The following HDC variants were observed in gnomAD, a reference collection of about 807,000 sequenced individuals.
HDC encodes histidine decarboxylase.
In HDC, 27 loss-of-function variants were observed where a neutral mutation model predicts 64.4. The ratio of observed to expected loss-of-function variants is 0.42; its 90% CI spans 0.31 to 0.58. The LOEUF (loss-of-function observed/expected upper bound fraction) is 0.58. Ranked by LOEUF, HDC falls within the 20% of genes least tolerant of loss-of-function variation. HDC has a pLI of 0.16. For synonymous variants in HDC, 305 were observed against 314.2 expected, an observed-to-expected ratio of 0.97 and a Z score of 0.31; for missense variants, 711 against 833.9, an observed-to-expected ratio of 0.85 and a Z score of 1.81.
In HDC at chr15:50,242,176, A is replaced by T; in HGVS notation, c.*84T>A. 8.8e-7 allele frequency: 1 copy of T among 1,142,184 alleles called. No individual in the cohort carries two copies. The highest frequency in any genetic ancestry group is 1.3e-6 in the Non-Finnish European group (1 of 754,752). The allele number at this position is 1,142,184 out of a possible 1,614,324, so 70.8% of individuals were successfully genotyped here. On this transcript the variant is annotated 3_prime_UTR_variant, in exon 12 of 12. Coordinates refer to ENST00000267845, the MANE Select transcript of HDC (RefSeq NM_002112.4). ...CCCCAAGAAAAATGCATGTACACAT[A>T]AGCACACAAAGTTGGCATACAATTG... is the stretch of plus-strand genomic sequence containing the variant.
At chr15:50,260,450 GGTT>G (rs1405429966) in intron 2 of HDC, among the ~76,000 whole-genome samples, 5 of 152,274 alleles carry the variant, frequency 3.3e-5, no homozygotes, top group Non-Finnish European at 7.4e-5. Context: ...TGTCTCCTAG[GGTT>G]GTTGTGTGGG....
At chr15:50,261,601 C>G (rs1314838443) in intron 2 of HDC, among the ~76,000 whole-genome samples, 1 of 120,456 alleles carries the variant, frequency 8.3e-6, no homozygotes, top group African/African-American at 3.1e-5. Context: ...GGCAACATAG[C>G]AAGACCTTGT....
rs752343455 is a variant in HDC at position 50,242,507 on chromosome 15, G to GTCT, written c.1739_1741dup (p.Lys580dup). The GTCT allele has an allele frequency of 1.9e-6, 3 of 1,614,162 alleles. No homozygotes were observed. Among genetic ancestry groups the GTCT allele is most frequent in the Non-Finnish European group, 2.5e-6 (3 of 1,180,022 alleles). On this transcript the variant is annotated inframe_insertion, in exon 12 of 12. Coordinates refer to ENST00000267845, the MANE Select transcript of HDC (RefSeq NM_002112.4). ...ACTGTTGCAACTGAGGGAGCGCACC[G>GTCT]TCTTCTTCTTAGTCTGCACAGACAA... is the stretch of plus-strand genomic sequence containing the variant.
At position 50,263,312 on chromosome 15, in the gene HDC, G is replaced by T. The variant is rs1311444322; in HGVS notation, c.127C>A (p.Leu43Met). The T allele has an allele frequency of 6.2e-7, 1 of 1,614,182 alleles. No individual in the cohort carries two copies. The highest frequency in any genetic ancestry group is 8.5e-7 in the Non-Finnish European group (1 of 1,180,022). Residue 43 changes from leucine (L) to methionine (M), a missense_variant, in exon 2 of 12, where the codon CTG becomes ATG. This residue lies in a region of HDC where 225 missense variants were observed against 276.2 expected (regional missense o/e 0.81). Transcript: ENST00000267845. ...GGGTCCTCAGGAGCACTCTCAGGCA[G>T]CTGGGCTCGCAGGTAGCCAGGCTGC... Reference protein sequence around the residue: ...DVQPGYLRAQLPESAPEDPDS... With the variant: ...DVQPGYLRAQMPESAPEDPDS...
Position 50,242,235 on chromosome 15 carries a change from C to T in HDC, c.*25G>A, listed in dbSNP as rs2045402650. 4 of 1,598,500 alleles carry T rather than the reference C, an allele frequency of 2.5e-6. No homozygotes were observed. In the African/African-American group the frequency reaches 4.0e-5, roughly 16 times the overall value. ...TCACAGAGTCCCTGAAGTATATCCT[C>T]AGACTCTGGCTGAAGGCCCTGTGTC... On this transcript the variant is annotated 3_prime_UTR_variant, in exon 12 of 12. Transcript: ENST00000267845.
At chr15:50,253,073 C>G (rs1207421575) in intron 7 of HDC, 1 of 485,074 alleles carries the variant, frequency 2.1e-6, no homozygotes, top group Admixed American at 3.3e-5. Context: ...AATCAATTTC[C>G]CACCAGCACA....
chr15:50,252,635 C>T lies in HDC; in HGVS notation c.927G>A (p.Val309=). ...ACCAGAACCCAGTACAGTCAAAATG[C>T]ACCATCATCCACTTGGAAGGATTAA... ...FTFNPSKWMM[V]HFDCTGFWVK... is the part of the protein sequence containing the mutation. Residue 309 remains valine (V), a synonymous_variant, in exon 8 of 12, where the codon GTG becomes GTA. Coordinates refer to ENST00000267845, the MANE Select transcript of HDC (RefSeq NM_002112.4). 1 of 1,614,172 alleles carries T rather than the reference C, an allele frequency of 6.2e-7. No individual in the cohort carries two copies. Among genetic ancestry groups the T allele is most frequent in the Non-Finnish European group, 8.5e-7 (1 of 1,180,036 alleles).
chr15:50,254,328 C>T, intron 5 of HDC, 55 bp from the exon 6 acceptor site: 2 of 1,604,980 alleles, frequency 1.2e-6, no homozygotes, highest in Non-Finnish European at 1.7e-6. Context: ...TGATCACCCC[C>T]CAGAAACTGC....
intron 4 of HDC, among the ~76,000 whole-genome samples, chr15:50,256,196 C>T (rs897764860): frequency 6.6e-6 from 1 of 152,222 alleles, no homozygotes; most frequent in African/African-American, 2.4e-5. Flanking sequence ...AGACATTTAG[C>T]ATGTTCTCCC....
At position 50,242,498 on chromosome 15, in the gene HDC, G is replaced by A; in HGVS notation, c.1751C>T (p.Ser584Phe). 1 of 1,614,160 alleles carries A rather than the reference G, an allele frequency of 6.2e-7. No homozygotes were observed. The highest frequency in any genetic ancestry group is 1.1e-5 in the South Asian group (1 of 91,082). Residue 584 changes from serine (S) to phenylalanine (F), a missense_variant, in exon 12 of 12, where the codon TCC becomes TTC. This residue lies in a region of HDC where 483 missense variants were observed against 540.9 expected (regional missense o/e 0.89). Transcript: ENST00000267845. ...SVQTKKKTVR[S>F]LSCNSVPVSA... ...CACTGGCACACTGTTGCAACTGAGG[G>A]AGCGCACCGTCTTCTTCTTAGTCTG...
intron 10 of HDC, among the ~76,000 whole-genome samples, chr15:50,243,607 A>T (rs1275265835): frequency 1.3e-5 from 2 of 152,236 alleles, no homozygotes; most frequent in Non-Finnish European, 2.9e-5. Flanking sequence ...AACCCAGTCC[A>T]TGCTCTGCGT....
At position 50,265,403 on chromosome 15, in the gene HDC, G is replaced by T. The variant is rs76638686; in HGVS notation, c.31+190C>A. 8.4e-3 allele frequency among the ~76,000 whole-genome samples: 1,284 copies of T among 152,060 alleles called. 23 individuals are homozygous for T. Among genetic ancestry groups the T allele is most frequent in the African/African-American group, 0.03 (1,228 of 41,468 alleles). ...TATATGAGAGGGAGAATGAAAGAGT[G>T]GTTGAGAAAAGTTTTACACTCTGAT... On this transcript the variant is annotated intron_variant, in intron 1 of 11. Coordinates refer to ENST00000267845, the MANE Select transcript of HDC (RefSeq NM_002112.4).
At position 50,248,871 on chromosome 15, in the gene HDC, G is replaced by A. The variant is rs552299842; in HGVS notation, c.1042-528C>T. Among the ~76,000 whole-genome samples the A allele has an allele frequency of 1.8e-4, 27 of 152,254 alleles. No homozygotes were observed. Among genetic ancestry groups the A allele is most frequent in the South Asian group, 1.0e-3 (5 of 4,824 alleles). On this transcript the variant is annotated intron_variant, in intron 9 of 11. Transcript: ENST00000267845. This position sits in a 1 kb window ranked among gnomAD's most constrained non-coding sequence, Gnocchi z 4.3. ...TGCCACCTCACTGGCTCATCAGTCC[G>A]GGACATAAAGAACCAATTGCACCTC...
rs1261122197 is a variant in HDC at position 50,261,904 on chromosome 15, TC to T, written c.204+1330del. Among the ~76,000 whole-genome samples, 11 of 152,190 alleles carry T rather than the reference TC, an allele frequency of 7.2e-5. No homozygotes were observed. The East Asian group carries it at 2.1e-3, about 30-fold the overall frequency. The stretch of plus-strand genomic sequence containing the variant: ...TTGTATTTTTAGTAGAGACGGGGTT[TC>T]TCCATGTTGGTCAGGCTGGTCTTGA... On this transcript the variant is annotated intron_variant, in intron 2 of 11. Coordinates refer to ENST00000267845, the MANE Select transcript of HDC (RefSeq NM_002112.4).
chr15:50,249,616 A>G (rs1349956140), intron 9 of HDC, among the ~76,000 whole-genome samples: 1 of 152,210 alleles, frequency 6.6e-6, no homozygotes, highest in East Asian at 1.9e-4. Context: ...AGGCATCAAA[A>G]CCTGAAAATG....
chr15:50,245,395 GGATGATGATGATGAT>G (rs575390454), intron 10 of HDC, among the ~76,000 whole-genome samples: 19 of 151,952 alleles, frequency 1.3e-4, no homozygotes, highest in Admixed American at 2.6e-4. Flanking sequence ...TAGGAGATGA[GGATGATGATGATGAT>G]GATGGTGATG....
chr15:50,261,421 T>C (rs897238112), intron 2 of HDC, among the ~76,000 whole-genome samples: 3 of 152,270 alleles, frequency 2.0e-5, no homozygotes, highest in South Asian at 2.1e-4. Context: ...CTTACTGATA[T>C]TGACATTTTC....
chr15:50,254,519 G>A lies in HDC; in HGVS notation c.576+11C>T, dbSNP rs200881674. On this transcript the variant is annotated intron_variant, in intron 5 of 11. Transcript: ENST00000267845. ...CCAACCCGAAGGGCTGTCCTGCGTCGGGCAACTCACCTGGTCAGAGGCATA... is the reference window on the plus strand; with the variant it reads ...CCAACCCGAAGGGCTGTCCTGCGTCAGGCAACTCACCTGGTCAGAGGCATA... 284 of 1,614,134 alleles carry A rather than the reference G, an allele frequency of 1.8e-4. No individual in the cohort carries two copies. The highest frequency in any genetic ancestry group is 6.5e-4 in the East Asian group (29 of 44,882).
At chr15:50,246,149 G>A (rs1196145461) in intron 10 of HDC, among the ~76,000 whole-genome samples, 2 of 152,126 alleles carry the variant, frequency 1.3e-5, no homozygotes, top group East Asian at 3.9e-4. Context: ...CTCAAGCAGG[G>A]CAATTACTCC....
Sources: allele counts gnomAD v4.1 joint callset (sites outside exome capture counted in the v4.1 genomes callset), GRCh38; gene constraint gnomAD v4.1.1; regional missense constraint gnomAD v4.1.1; non-coding constraint Gnocchi (gnomAD v3.1); transcripts MANE v1.5; gene names NCBI Gene and HGNC (gene_info 2026-07-23, HGNC 2026-07-21).